Variants in UGT2B10 observed in about 807,000 individuals in gnomAD.
UGT2B10 encodes UDP glucuronosyltransferase family 2 member B10, also known as UDP-glucuronosyltransferase 2B10.
A neutral mutation model predicts 43.7 loss-of-function variants in UGT2B10; 51 were observed. The observed-to-expected ratio is 1.17, with a 90% confidence interval of 0.93 to 1.47. The LOEUF (loss-of-function observed/expected upper bound fraction) is 1.47, where lower values mean the gene tolerates loss of function less well. Ranked by LOEUF, UGT2B10 falls within the 40% of genes most tolerant of loss-of-function variation. UGT2B10 has a pLI of 0.00. For synonymous variants in UGT2B10, 225 were observed against 209.0 expected, an observed-to-expected ratio of 1.08 and a Z score of -0.66; for missense variants, 696 against 617.7, an observed-to-expected ratio of 1.13 and a Z score of -1.34.
chr4:68,822,463 T>A (rs1737558682), intron 3 of UGT2B10, 61 bp downstream of exon 3: 3 of 1,606,598 alleles, frequency 1.9e-6, no homozygotes, highest in East Asian at 2.2e-5. Context: ...AAGTTTGTGA[T>A]CTACATAGAA....
Position 68,831,347 on chromosome 4 carries a change from C to T in UGT2B10, c.*468C>T, listed in dbSNP as rs1480262047. Among the ~76,000 whole-genome samples the T allele has an allele frequency of 6.6e-6, 1 of 152,014 alleles. No individual in the cohort carries two copies. Among genetic ancestry groups the T allele is most frequent in the Non-Finnish European group, 1.5e-5 (1 of 67,982 alleles). On this transcript the variant is annotated 3_prime_UTR_variant, in exon 6 of 6. Coordinates refer to ENST00000265403, the MANE Select transcript of UGT2B10 (RefSeq NM_001075.6). ...GGCTCAAACAATCCTCCCATTTTAG[C>T]ATCCCAAAGGGATGAGATTACAGGT... is the stretch of plus-strand genomic sequence containing the variant.
intron 5 of UGT2B10, among the ~76,000 whole-genome samples, 176 bp downstream of exon 5, chr4:68,827,724 C>T (rs1437066263): frequency 6.6e-6 from 1 of 151,732 alleles, no homozygotes; most frequent in Non-Finnish European, 1.5e-5. Flanking sequence ...TATTTGAACC[C>T]CATACATCTA....
rs917849287 is a variant in UGT2B10, at chr4:68,830,931, T to A, written c.*52T>A. On this transcript the variant is annotated 3_prime_UTR_variant, in exon 6 of 6. Coordinates refer to ENST00000265403, the MANE Select transcript of UGT2B10 (RefSeq NM_001075.6). ...ACCTGATAGATAGGAATACTTCAGTTGATTCCAGCAATAAATATTGTGATG... is the reference window on the plus strand; with the variant it reads ...ACCTGATAGATAGGAATACTTCAGTAGATTCCAGCAATAAATATTGTGATG... 3.9e-6 allele frequency: 6 copies of A among 1,555,312 alleles called. No homozygotes were observed. The African/African-American group carries it at 8.3e-5, about 21-fold the overall frequency.
At chr4:68,818,566 T>G (rs1737338152) in intron 2 of UGT2B10, among the ~76,000 whole-genome samples, 1 of 151,804 alleles carries the variant, frequency 6.6e-6, no homozygotes, top group South Asian at 2.1e-4. Context: ...CATTCTACTT[T>G]GAAATATAGA....
intron 5 of UGT2B10, among the ~76,000 whole-genome samples, chr4:68,829,730 C>T (rs1388895661): frequency 1.3e-5 from 2 of 151,858 alleles, no homozygotes; most frequent in Non-Finnish European, 2.9e-5. Flanking sequence ...GTGTAAAGTG[C>T]TAAGATGAGA....
chr4:68,818,291 G>A (rs1578263686), intron 2 of UGT2B10, 114 bp downstream of exon 2: 1 of 1,532,676 alleles, frequency 6.5e-7, no homozygotes, highest in Non-Finnish European at 8.7e-7. Context: ...AAGTAGGTGG[G>A]GTAAAGCAGA....
chr4:68,820,219 C>T (rs937014848), intron 2 of UGT2B10, among the ~76,000 whole-genome samples: 1 of 151,984 alleles, frequency 6.6e-6, no homozygotes, highest in African/African-American at 2.4e-5. Flanking sequence ...TATTAACTTG[C>T]AGAAAGCATT....
Position 68,816,173 on chromosome 4 carries a change from G to T in UGT2B10, c.154G>T (p.Val52Leu). ...LKELVQRGHEVTVLASSASIL... is the reference protein window; with the variant it reads ...LKELVQRGHELTVLASSASIL... ...AGAACTTGTTCAGAGAGGTCATGAG[G>T]TGACTGTACTGGCATCTTCAGCTTC... Residue 52 changes from valine to leucine, a missense_variant, in exon 1 of 6, where the codon GTG (valine) becomes TTG (leucine). By Grantham distance (32) the Val-to-Leu change is conservative. Coordinates refer to ENST00000265403, the MANE Select transcript of UGT2B10 (RefSeq NM_001075.6). The T allele has an allele frequency of 6.2e-7, 1 of 1,613,278 alleles. No individual in the cohort carries two copies. Among genetic ancestry groups the T allele is most frequent in the East Asian group, 2.2e-5 (1 of 44,820 alleles).
intron 3 of UGT2B10, among the ~76,000 whole-genome samples, chr4:68,825,268 A>G (rs1460215715): frequency 6.6e-6 from 1 of 151,702 alleles, no homozygotes; most frequent in African/African-American, 2.4e-5. Context: ...TACCAGAATT[A>G]CAATGACTCC....
At chr4:68,820,811 TA>T (rs1396722177) in intron 2 of UGT2B10, among the ~76,000 whole-genome samples, 5 of 152,094 alleles carry the variant, frequency 3.3e-5, no homozygotes, top group Admixed American at 1.3e-4. Flanking sequence ...AAATTATTTT[TA>T]AAAAACTTTT....
intron 2 of UGT2B10, among the ~76,000 whole-genome samples, chr4:68,820,258 T>C (rs189496197): frequency 2.8e-4 from 43 of 152,186 alleles, no homozygotes; most frequent in Admixed American, 5.9e-4. Flanking sequence ...GTGAAACCAG[T>C]TCTTTAATTG....
chr4:68,819,129 GA>G (rs1255749581), intron 2 of UGT2B10, among the ~76,000 whole-genome samples: 4 of 151,856 alleles, frequency 2.6e-5, no homozygotes, highest in Non-Finnish European at 2.9e-5. Context: ...GTGTTGTGTG[GA>G]AAAAAATATT....
At chr4:68,819,982 C>T (rs909290561) in intron 2 of UGT2B10, among the ~76,000 whole-genome samples, 3 of 151,872 alleles carry the variant, frequency 2.0e-5, no homozygotes, top group Non-Finnish European at 4.4e-5. Flanking sequence ...ATGTTTAATG[C>T]AAGTTGTATA....
intron 5 of UGT2B10, among the ~76,000 whole-genome samples, chr4:68,829,527 T>G (rs1199214587): frequency 6.6e-6 from 1 of 152,048 alleles, no homozygotes; most frequent in African/African-American, 2.4e-5. Context: ...ATATAAATCA[T>G]TTTAAAAATT....
intron 3 of UGT2B10, among the ~76,000 whole-genome samples, chr4:68,822,701 T>C (rs1027373104): frequency 2.0e-5 from 3 of 152,126 alleles, no homozygotes; most frequent in South Asian, 2.1e-4. Context: ...CAATTACTTT[T>C]AATTTCTGAT....
chr4:68,823,038 G>A (rs1254613875), intron 3 of UGT2B10, among the ~76,000 whole-genome samples: 1 of 152,078 alleles, frequency 6.6e-6, no homozygotes, highest in African/African-American at 2.4e-5. Context: ...ATGCTTATAT[G>A]AAATATGTGG....
intron 2 of UGT2B10, among the ~76,000 whole-genome samples, chr4:68,821,652 C>A (rs900210901): frequency 1.3e-5 from 2 of 152,134 alleles, no homozygotes; most frequent in African/African-American, 4.8e-5. Context: ...TTCTTAACCC[C>A]CAGCTTTTAT....
rs1738054097 is a variant in UGT2B10 at position 68,830,774 on chromosome 4, G to T, written c.1482G>T (p.Gly494=). 3.7e-6 allele frequency: 6 copies of T among 1,613,364 alleles called. No individual in the cohort carries two copies. Among genetic ancestry groups the T allele is most frequent in the Non-Finnish European group, 5.1e-6 (6 of 1,179,542 alleles). ...AGTACCACTCTTTGGATGTGATTGG[G>T]TTCCTGCTGGCTTGTGTGGCAACCG... ...WFQYHSLDVI[G]FLLACVATVL... Residue 494 remains glycine, a synonymous_variant, in exon 6 of 6, where the codon GGG becomes GGT. Coordinates refer to ENST00000265403, the MANE Select transcript of UGT2B10 (RefSeq NM_001075.6).
intron 2 of UGT2B10, among the ~76,000 whole-genome samples, chr4:68,821,560 C>T (rs1282083884): frequency 6.6e-6 from 1 of 152,170 alleles, no homozygotes; most frequent in African/African-American, 2.4e-5. Context: ...ATAAACTGTA[C>T]AATTCTGTAT....
Sources: gnomAD v4.1 joint callset for allele counts (sites outside exome capture counted in the v4.1 genomes callset) on GRCh38, gnomAD v4.1.1 for gene constraint, MANE v1.5 for transcripts, NCBI Gene and HGNC (gene_info 2026-07-23, HGNC 2026-07-21) for gene names.